The following MYO5B variants were observed in gnomAD, a reference collection of about 807,000 sequenced individuals.
MYO5B encodes unconventional myosin-Vb.
Under a neutral mutation model 229.3 loss-of-function variants are expected in MYO5B, and 143 were observed. The ratio of observed to expected loss-of-function variants is 0.62; its 90% CI spans 0.54 to 0.72. MYO5B has a LOEUF of 0.72. Among genes scored for constraint, MYO5B ranks in the 30% least tolerant of loss-of-function variants. The pLI is 0.00. For synonymous variants in MYO5B, 918 were observed against 885.2 expected, an observed-to-expected ratio of 1.04 and a Z score of -0.66; for missense variants, 2,321 against 2,331.0, an observed-to-expected ratio of 1.00 and a Z score of 0.09.
At chr18:50,016,980 C>T (rs2026222663) in intron 4 of MYO5B, among the ~76,000 whole-genome samples, 1 of 150,536 alleles carries the variant, frequency 6.6e-6, no homozygotes, top group Non-Finnish European at 1.5e-5. Context: ...CTTAAATCTA[C>T]TCCCCCAATC....
intron 4 of MYO5B, among the ~76,000 whole-genome samples, chr18:50,015,366 C>T (rs1488793307): frequency 6.6e-6 from 1 of 152,164 alleles, no homozygotes; most frequent in Admixed American, 6.5e-5. Flanking sequence ...AAGCAATCTT[C>T]AAATATTTCC....
intron 1 of MYO5B, among the ~76,000 whole-genome samples, chr18:50,123,482 C>T (rs764398683): frequency 3.3e-5 from 5 of 152,078 alleles, no homozygotes; most frequent in South Asian, 2.1e-4. Flanking sequence ...GTAACCCCAG[C>T]GATGGAGGAT....
intron 17 of MYO5B, among the ~76,000 whole-genome samples, chr18:49,928,581 T>A (rs1598888541): frequency 6.6e-6 from 1 of 152,270 alleles, no homozygotes; most frequent in South Asian, 2.1e-4. Context: ...GAGGCAGAGG[T>A]TGCAGTGAGC....
At chr18:50,160,527 G>A (rs1251580425) in intron 1 of MYO5B, among the ~76,000 whole-genome samples, 1 of 152,138 alleles carries the variant, frequency 6.6e-6, no homozygotes, top group Admixed American at 6.5e-5. Flanking sequence ...TTCAGAAAAG[G>A]ACAGTCCTCC....
At chr18:50,133,716 A>T (rs1430489976) in intron 1 of MYO5B, among the ~76,000 whole-genome samples, 1 of 152,138 alleles carries the variant, frequency 6.6e-6, no homozygotes, top group Non-Finnish European at 1.5e-5. Flanking sequence ...GATCTTTAAC[A>T]GAATCACCTG....
chr18:49,987,896 G>T (rs1236980826), intron 7 of MYO5B, among the ~76,000 whole-genome samples: 1 of 152,094 alleles, frequency 6.6e-6, no homozygotes, highest in Non-Finnish European at 1.5e-5. Context: ...CTTCACAAAA[G>T]GGCCAGGAGA....
At chr18:49,861,995 G>GTTT (rs978135894) in intron 29 of MYO5B, among the ~76,000 whole-genome samples, 85 of 131,108 alleles carry the variant, frequency 6.5e-4, no homozygotes, top group African/African-American at 2.0e-3. Context: ...CCAGCTCCAT[G>GTTT]TTTTTTTTTT....
intron 21 of MYO5B, among the ~76,000 whole-genome samples, chr18:49,901,941 A>T (rs1016162098): frequency 2.6e-5 from 4 of 152,204 alleles, no homozygotes; most frequent in Non-Finnish European, 2.9e-5. Context: ...CGCCAGCCCC[A>T]TACCCCACAC....
intron 1 of MYO5B, among the ~76,000 whole-genome samples, chr18:50,065,926 G>C (rs939613404): frequency 1.3e-5 from 2 of 152,080 alleles, no homozygotes; most frequent in African/African-American, 4.8e-5. Flanking sequence ...TGAAGGAGGA[G>C]GGCTCGCTAA....
rs115149725 is a variant in MYO5B, at chr18:49,855,939, G to A, written c.4022+874C>T. 9.4e-3 allele frequency among the ~76,000 whole-genome samples: 1,426 copies of A among 152,298 alleles called. 38 individuals carry two copies. The South Asian group carries it at 0.12, about 12-fold the overall frequency. ...CACTCATGCCACCTTGTTGAGTCCC[G>A]GTTTCCTCTCTGGAAAGCAAGCTCG... On this transcript the variant is annotated intron_variant, in intron 30 of 39. Transcript: ENST00000285039.
At chr18:50,128,406 G>C (rs947668191) in intron 1 of MYO5B, among the ~76,000 whole-genome samples, 8 of 152,212 alleles carry the variant, frequency 5.3e-5, no homozygotes, top group African/African-American at 1.9e-4. Flanking sequence ...CACACAGGTA[G>C]ATGGGGTGCC....
intron 1 of MYO5B, among the ~76,000 whole-genome samples, chr18:50,109,595 T>G (rs953771527): frequency 1.3e-5 from 2 of 152,062 alleles, no homozygotes; most frequent in Non-Finnish European, 2.9e-5. Context: ...TGGCTAATTT[T>G]TTTTGTATTT....
At chr18:49,987,068 C>G (rs982725196) in intron 7 of MYO5B, among the ~76,000 whole-genome samples, 2 of 152,164 alleles carry the variant, frequency 1.3e-5, no homozygotes, top group Non-Finnish European at 2.9e-5. Context: ...CAGCATCTTT[C>G]GAAGACCTTT....
chr18:50,164,759 C>T (rs1397133471), intron 1 of MYO5B, among the ~76,000 whole-genome samples: 1 of 152,188 alleles, frequency 6.6e-6, no homozygotes, highest in Non-Finnish European at 1.5e-5. Context: ...ACCCCTCCAA[C>T]AGGCCCCAGT....
intron 5 of MYO5B, among the ~76,000 whole-genome samples, chr18:49,994,203 C>G (rs924068402): frequency 6.6e-6 from 1 of 152,204 alleles, no homozygotes; most frequent in African/African-American, 2.4e-5. Flanking sequence ...CCTCTTCTTC[C>G]CCTTAGCCCA....
intron 1 of MYO5B, among the ~76,000 whole-genome samples, chr18:50,181,320 T>C (rs1392434134): frequency 7.3e-6 from 1 of 136,426 alleles, no homozygotes; most frequent in East Asian, 2.2e-4. Flanking sequence ...TTCCTGACAA[T>C]TTGGAAAGCT....
intron 7 of MYO5B, among the ~76,000 whole-genome samples, chr18:49,989,027 C>G (rs1598934550): frequency 1.3e-5 from 2 of 152,256 alleles, no homozygotes; most frequent in Admixed American, 1.3e-4. Flanking sequence ...AGCCTCCCAG[C>G]CCTCCTCAGC....
chr18:49,872,140 A>C, intron 27 of MYO5B, 27 bp downstream of exon 27: 2 of 1,611,182 alleles, frequency 1.2e-6, no homozygotes, highest in Non-Finnish European at 1.7e-6. Context: ...GGAGTGTTCC[A>C]GGAAGCCTGT....
At chr18:50,190,388 T>C (rs2033210819) in intron 1 of MYO5B, among the ~76,000 whole-genome samples, 1 of 152,226 alleles carries the variant, frequency 6.6e-6, no homozygotes, top group African/African-American at 2.4e-5. Context: ...ACTGACCACA[T>C]GCATGCCACT....
Sources: allele counts gnomAD v4.1 joint callset (sites outside exome capture counted in the v4.1 genomes callset), GRCh38; gene constraint gnomAD v4.1.1; transcripts MANE v1.5; gene names NCBI Gene and HGNC (gene_info 2026-07-23, HGNC 2026-07-21).